Variants in MAGEB16 observed in about 807,000 individuals in gnomAD.
MAGEB16 encodes the protein MAGE family member B16, also known as melanoma-associated antigen B16.
For synonymous variants in MAGEB16, 95 were observed against 92.1 expected (o/e 1.03, Z -0.18); for missense variants, 217 against 234.0 (o/e 0.93, Z 0.47).
At chrX:35,803,161 C>T in exon 2 of MAGEB16, 3 of 1,173,718 alleles carry the variant, frequency 2.6e-6, no homozygotes, top group Non-Finnish European at 3.4e-6. Context: ...AGAGCTAGAG[C>T]CAGAATTTGA....
chrX:35,801,783 A>G (rs1300721168), intron 1 of MAGEB16, among the ~76,000 whole-genome samples: 1 of 112,924 alleles, frequency 8.9e-6, no homozygotes, highest in East Asian at 2.8e-4. Flanking sequence ...GCACAGCCCC[A>G]CATTACCACA....
chrX:35,802,756 G>T lies in MAGEB16; in HGVS notation c.560G>T (p.Gly187Val), dbSNP rs778116835. The change falls in exon 2 of 2, where the codon GGC becomes GTC. Residue 187 changes from glycine (G) to valine (V), a missense_variant. Gly to Val is a moderately radical substitution (Grantham distance 109). Transcript: ENST00000399988. ...TGCTATGGCCTCTTCATCAAACTGG[G>T]CCTCACCTATGATGGGATGCTGAGT... is the stretch of plus-strand genomic sequence containing the variant. 4 of 1,211,373 alleles carry T rather than the reference G, an allele frequency of 3.3e-6. No individual in the cohort carries two copies. The South Asian group carries it at 5.3e-5, about 16-fold the overall frequency.
In MAGEB16 at chrX:35,803,027, G is replaced by A; in HGVS notation, c.831G>A (p.Trp277Ter). 1 of 1,211,959 alleles carries A rather than the reference G, an allele frequency of 8.3e-7. No individual in the cohort carries two copies. The highest frequency in any genetic ancestry group is 1.8e-5 in the South Asian group (1 of 56,984). Residue 277 changes from tryptophan to a stop codon, truncating the protein, a stop_gained, in exon 2 of 2, where the codon TGG becomes TGA. Transcript: ENST00000399988. LOFTEE classifies it low-confidence loss of function (END_TRUNC). ...ATCCTGCACGATATGAATTCCTGTGGGGCCCAAGAGCCAAAGCTGAAACCA... is the reference window on the plus strand; with the variant it reads ...ATCCTGCACGATATGAATTCCTGTGAGGCCCAAGAGCCAAAGCTGAAACCA...
chrX:35,801,238 TCA>T (rs1934859794), intron 1 of MAGEB16: 1 of 112,354 alleles, frequency 8.9e-6, no homozygotes, highest in Non-Finnish European at 1.9e-5. Context: ...AAAGAAAGCT[TCA>T]CAGTGTACAG....
chrX:35,802,680 C>G (rs760248993), exon 2 of MAGEB16: 6 of 1,211,575 alleles, frequency 5.0e-6, no homozygotes, highest in Non-Finnish European at 5.6e-6. Flanking sequence ...TTCTGAGCAC[C>G]TAGAGATGAT....
chrX:35,802,218 C>T, exon 2 of MAGEB16: 1 of 1,211,476 alleles, frequency 8.3e-7, no homozygotes. Context: ...TCAGGAGAGT[C>T]CACGATGCAC....
chrX:35,800,735 G>A (rs12012176), intron 1 of MAGEB16, among the ~76,000 whole-genome samples: 1 of 110,708 alleles, frequency 9.0e-6, no homozygotes, highest in Non-Finnish European at 1.9e-5. Flanking sequence ...CAAAGGTTTT[G>A]GTCTAAGGAA....
At chrX:35,799,685 T>TGA (rs1357849235) in intron 1 of MAGEB16, among the ~76,000 whole-genome samples, 1 of 111,588 alleles carries the variant, frequency 9.0e-6, no homozygotes, top group Non-Finnish European at 1.9e-5. Flanking sequence ...GATAGCCAGA[T>TGA]GAGACATCCA....
rs758898013 is a variant in MAGEB16, at chrX:35,802,340, C to A, written c.144C>A (p.Gly48=). 5.0e-6 allele frequency: 6 copies of A among 1,209,983 alleles called. No homozygotes were observed. The East Asian group carries it at 1.2e-4, about 24-fold the overall frequency. ...CCTCCTCCCATCCTCTAGTGCCTGG[C>A]AAACTGAAGGAAGCTCCTGCTGCTA... The change falls in exon 2 of 2, where the codon GGC becomes GGA. Residue 48 remains glycine, a synonymous_variant. Coordinates refer to ENST00000399988, the Ensembl canonical transcript of MAGEB16.
intron 1 of MAGEB16, chrX:35,798,809 TCG>T (rs766981574): frequency 9.0e-6 from 1 of 110,800 alleles, no homozygotes; most frequent in East Asian, 2.9e-4. Flanking sequence ...ATAGGCAGTG[TCG>T]TGTCGGCAGA....
At chrX:35,802,074 G>A in intron 1 of MAGEB16, 57 bp from the exon 2 acceptor site, 1 of 887,028 alleles carries the variant, frequency 1.1e-6, no homozygotes, top group Non-Finnish European at 1.6e-6. Flanking sequence ...TTCCATCAGA[G>A]CTACCGCAGT....
exon 2 of MAGEB16, chrX:35,802,691 A>G (rs1035987902): frequency 6.6e-6 from 8 of 1,211,421 alleles, no homozygotes; most frequent in Middle Eastern, 2.3e-4. Flanking sequence ...TAGAGATGAT[A>G]TTTGGCCTTG....
chrX:35,800,011 C>G (rs180738746), intron 1 of MAGEB16, among the ~76,000 whole-genome samples: 61 of 111,255 alleles, frequency 5.5e-4, no homozygotes, highest in Non-Finnish European at 9.8e-4. Flanking sequence ...GGACTTAGGA[C>G]TGAGAGAAGA....
At chrX:35,802,040 CAGG>C in intron 1 of MAGEB16, 88 bp from the exon 2 acceptor site, 1 of 577,676 alleles carries the variant, frequency 1.7e-6, no homozygotes, top group Non-Finnish European at 2.7e-6. Context: ...ACACTGCTGT[CAGG>C]AGAAGTCTAT....
chrX:35,803,306 G>A, exon 2 of MAGEB16: 2 of 639,844 alleles, frequency 3.1e-6, no homozygotes, highest in Non-Finnish European at 4.5e-6. Context: ...CAAGGATGCA[G>A]GTCCAGGGTG....
chrX:35,800,673 G>C, intron 1 of MAGEB16: 1 of 500,300 alleles, frequency 2.0e-6, no homozygotes, highest in Non-Finnish European at 3.6e-6. Context: ...CTCTGGGCAG[G>C]GCTGTCAGGA....
At chrX:35,802,704 G>A (rs763257228) in exon 2 of MAGEB16, 1 of 1,211,354 alleles carries the variant, frequency 8.3e-7, no homozygotes, top group Non-Finnish European at 1.1e-6. Context: ...TGGCCTTGAT[G>A]TGGTGGAGGT....
exon 2 of MAGEB16, chrX:35,802,946 C>T: frequency 8.3e-7 from 1 of 1,211,961 alleles, no homozygotes; most frequent in Non-Finnish European, 1.1e-6. Context: ...GAATGCTCAT[C>T]ACCAAAGATT....
At chrX:35,800,692 C>A (rs1934854897) in intron 1 of MAGEB16, 2 of 476,843 alleles carry the variant, frequency 4.2e-6, no homozygotes, top group Admixed American at 3.2e-5. Context: ...GATGAGATAT[C>A]TACTTATTTC....
Sources: gnomAD v4.1 joint callset for allele counts (sites outside exome capture counted in the v4.1 genomes callset) on GRCh38, gnomAD v4.1.1 for gene constraint, MANE v1.5 for transcripts, NCBI Gene and HGNC (gene_info 2026-07-23, HGNC 2026-07-21) for gene names.